The following WNK3 variants were observed in gnomAD, a reference collection of about 807,000 sequenced individuals.
The protein encoded by WNK3 is serine/threonine-protein kinase WNK3.
Under a neutral mutation model 116.7 loss-of-function variants are expected in WNK3, and 18 were observed. The observed-to-expected ratio is 0.15, with a 90% CI of 0.11 to 0.23. WNK3 has a LOEUF of 0.23. Ranked by LOEUF, WNK3 falls within the 10% of genes least tolerant of loss-of-function variation. The pLI is 1.00. For synonymous variants in WNK3, 404 were observed against 469.4 expected (o/e 0.86, Z 1.80); for missense variants, 993 against 1,323.8 (o/e 0.75, Z 3.88).
chrX:54,331,248 GA>G (rs1363110950), intron 2 of WNK3, among the ~76,000 whole-genome samples: 8 of 106,498 alleles, frequency 7.5e-5, no homozygotes, highest in East Asian at 5.8e-4. Context: ...AATTTAAAAA[GA>G]AAAAAAATTA....
At chrX:54,253,158 T>C (rs970271143) in intron 13 of WNK3, among the ~76,000 whole-genome samples, 70 of 105,543 alleles carry the variant, frequency 6.6e-4, no homozygotes, top group Non-Finnish European at 1.2e-3. Context: ...CTCATAAATA[T>C]ATAAACTTTC....
chrX:54,355,691 T>A (rs1002037904), intron 1 of WNK3, among the ~76,000 whole-genome samples: 1 of 110,684 alleles, frequency 9.0e-6, no homozygotes, highest in Non-Finnish European at 1.9e-5. Context: ...CAATCAAGAG[T>A]TCCTAATTCA....
intron 2 of WNK3, among the ~76,000 whole-genome samples, chrX:54,327,556 T>A (rs1377389880): frequency 9.0e-6 from 1 of 110,822 alleles, no homozygotes; most frequent in Admixed American, 9.6e-5. Flanking sequence ...AAATAAAATT[T>A]AAAAAAAAGA....
At chrX:54,261,629 AAC>A (rs782069714) in intron 10 of WNK3, among the ~76,000 whole-genome samples, 120 of 109,290 alleles carry the variant, frequency 1.1e-3, no homozygotes, top group African/African-American at 3.2e-3. Flanking sequence ...TCTGTACACA[AAC>A]ACACACACAC....
chrX:54,242,690 T>A (rs1678134953), intron 17 of WNK3, among the ~76,000 whole-genome samples: 1 of 112,265 alleles, frequency 8.9e-6, no homozygotes, highest in South Asian at 3.7e-4. Flanking sequence ...AATAGTTTCT[T>A]CACCAAATGG....
At chrX:54,209,503 T>C (rs1331588727) in intron 22 of WNK3, among the ~76,000 whole-genome samples, 1 of 106,965 alleles carries the variant, frequency 9.3e-6, no homozygotes, top group East Asian at 2.9e-4. Flanking sequence ...ACAAAACATG[T>C]ATAATTGTGG....
intron 10 of WNK3, among the ~76,000 whole-genome samples, chrX:54,280,834 T>C (rs2068508108): frequency 9.0e-6 from 1 of 111,211 alleles, no homozygotes; most frequent in Non-Finnish European, 1.9e-5. Flanking sequence ...TTGGGTACTA[T>C]GCTCCATATC....
chrX:54,271,518 T>C (rs1303103107), intron 10 of WNK3, among the ~76,000 whole-genome samples: 1 of 111,855 alleles, frequency 8.9e-6, no homozygotes, highest in Non-Finnish European at 1.9e-5. Flanking sequence ...ATAGAGAATA[T>C]GTGGTATAAA....
At chrX:54,326,037 T>C (rs2069099041) in intron 2 of WNK3, among the ~76,000 whole-genome samples, 1 of 110,938 alleles carries the variant, frequency 9.0e-6, no homozygotes, top group African/African-American at 3.3e-5. Context: ...TTTACCAAAG[T>C]TTTTACAAAG....
At chrX:54,205,208 C>CCACA (rs1173976960) in intron 22 of WNK3, among the ~76,000 whole-genome samples, 11 of 102,991 alleles carry the variant, frequency 1.1e-4, no homozygotes, top group African/African-American at 3.7e-4. Flanking sequence ...GAGTGAGATT[C>CCACA]CACACACACA....
rs1281332374 is a variant in WNK3, at chrX:54,255,617, G to A, written c.2250+123C>T. 1.7e-5 allele frequency: 9 copies of A among 542,727 alleles called. No homozygotes were observed. The South Asian group carries it at 2.9e-4, about 17-fold the overall frequency. The allele number at this position is 542,727 out of a possible 1,213,427, so 44.7% of individuals were successfully genotyped here. ...ATACTCACATTGGAAAGTCTGTAAC[G>A]GAGAAAAGGTTAGTTTAGAGAGGGT... On this transcript the variant is annotated intron_variant, in intron 12 of 23. Transcript: ENST00000354646.
At chrX:54,208,913 G>A (rs1557143213) in intron 22 of WNK3, among the ~76,000 whole-genome samples, 2 of 111,706 alleles carry the variant, frequency 1.8e-5, no homozygotes, top group Non-Finnish European at 3.8e-5. Context: ...ACAGCAACAG[G>A]TGTACACATT....
chrX:54,342,816 G>A (rs1402802759), intron 1 of WNK3, among the ~76,000 whole-genome samples: 1 of 110,305 alleles, frequency 9.1e-6, no homozygotes, highest in African/African-American at 3.3e-5. Context: ...TAAGTATAAC[G>A]TATCTGGGGC....
chrX:54,341,262 T>G (rs781952814), intron 1 of WNK3, among the ~76,000 whole-genome samples: 1 of 110,405 alleles, frequency 9.1e-6, no homozygotes, highest in African/African-American at 3.3e-5. Flanking sequence ...CCAGGCGTGG[T>G]AGTGGGTACC....
intron 5 of WNK3, among the ~76,000 whole-genome samples, chrX:54,304,702 T>C (rs1557168252): frequency 8.9e-6 from 1 of 111,823 alleles, no homozygotes; most frequent in Admixed American, 9.6e-5. Context: ...ACAAGGTCCA[T>C]AGGGTAGGGT....
chrX:54,312,532 G>A (rs2068899810), intron 2 of WNK3, among the ~76,000 whole-genome samples: 1 of 109,905 alleles, frequency 9.1e-6, no homozygotes, highest in Non-Finnish European at 1.9e-5. Flanking sequence ...CTGCTTCCCG[G>A]GGTCAAGTGA....
chrX:54,315,302 CAA>C (rs1162816570), intron 2 of WNK3, among the ~76,000 whole-genome samples: 34 of 36,208 alleles, frequency 9.4e-4, no homozygotes, highest in South Asian at 1.6e-3. Context: ...GACCTTGTCT[CAA>C]AAAAAAAAAA....
At chrX:54,221,774 C>T (rs1453881446) in intron 22 of WNK3, among the ~76,000 whole-genome samples, 5 of 110,589 alleles carry the variant, frequency 4.5e-5, no homozygotes, top group African/African-American at 1.6e-4. Context: ...GCAGAAGTTG[C>T]AGTGAGCTGA....
intron 10 of WNK3, among the ~76,000 whole-genome samples, chrX:54,268,412 C>T (rs1158894761): frequency 9.0e-6 from 1 of 111,167 alleles, no homozygotes; most frequent in Non-Finnish European, 1.9e-5. Context: ...TTATTTGAGC[C>T]CAGGAGCCAG....
Sources: gnomAD v4.1 joint callset for allele counts (sites outside exome capture counted in the v4.1 genomes callset) on GRCh38, gnomAD v4.1.1 for gene constraint, MANE v1.5 for transcripts, NCBI Gene and HGNC (gene_info 2026-07-23, HGNC 2026-07-21) for gene names.